The following STARD9 variants were observed in gnomAD, a reference collection of about 807,000 sequenced individuals.
STARD9 encodes the protein stAR-related lipid transfer protein 9.
Under a neutral mutation model 399.8 loss-of-function variants are expected in STARD9, and 346 were observed. That is an observed-to-expected ratio of 0.87 (90% CI 0.79 to 0.95). The LOEUF is 0.95. Among genes scored for constraint, STARD9 ranks in the 40% least tolerant of loss-of-function variants. The pLI is 0.00. For synonymous variants in STARD9, 2,203 were observed against 2,143.5 expected, an observed-to-expected ratio of 1.03 and a Z score of -0.77; for missense variants, 5,832 against 5,667.5, an observed-to-expected ratio of 1.03 and a Z score of -0.93.
Position 42,674,434 on chromosome 15 carries a change from C to T in STARD9, c.1498-6C>T. On this transcript the variant is annotated splice_region_variant and splice_polypyrimidine_tract_variant and intron_variant, in intron 16 of 32. Coordinates refer to ENST00000290607, the MANE Select transcript of STARD9 (RefSeq NM_020759.3). ...TCTCATTAAAATGGCTTTTTTCCCC[C>T]TTTAGGAAGGGACAACAAAAATAGG... 6.5e-7 allele frequency: 1 copy of T among 1,536,876 alleles called. No homozygotes were observed. Among genetic ancestry groups the T allele is most frequent in the South Asian group, 1.2e-5 (1 of 84,046 alleles).
At chr15:42,604,626 ATTTTTTT>A (rs11349330) in intron 3 of STARD9, among the ~76,000 whole-genome samples, 97 of 54,754 alleles carry the variant, frequency 1.8e-3, no homozygotes, top group African/African-American at 4.6e-3. Context: ...GATCAAATTG[ATTTTTTT>A]TTTTTTTTTT....
intron 26 of STARD9, 35 bp downstream of exon 26, chr15:42,695,915 C>G (rs1021606440): frequency 1.3e-6 from 2 of 1,524,428 alleles, no homozygotes; most frequent in Non-Finnish European, 1.8e-6. Flanking sequence ...AGCCAGGGGC[C>G]TGGACTGCCA....
At chr15:42,638,218 G>A in intron 6 of STARD9, 131 bp downstream of exon 6, 2 of 813,640 alleles carry the variant, frequency 2.5e-6, no homozygotes, top group Non-Finnish European at 2.0e-6. Flanking sequence ...GAAATATCTT[G>A]CAGTACAAGA....
intron 1 of STARD9, chr15:42,581,557 T>C: frequency 2.8e-6 from 3 of 1,073,908 alleles, no homozygotes; most frequent in Non-Finnish European, 4.1e-6. Context: ...CTGCTCCAGC[T>C]CCTAGGGCGG....
chr15:42,633,974 G>A (rs2059377405), intron 3 of STARD9, among the ~76,000 whole-genome samples: 1 of 152,018 alleles, frequency 6.6e-6, no homozygotes, highest in Admixed American at 6.6e-5. Flanking sequence ...TGCTAGTGTT[G>A]TCCTAGATGG....
chr15:42,676,840 C>T (rs1031031383), intron 20 of STARD9, among the ~76,000 whole-genome samples: 5 of 152,094 alleles, frequency 3.3e-5, no homozygotes, highest in East Asian at 3.9e-4. Flanking sequence ...TATGATGGCC[C>T]GTAGTTTCTT....
chr15:42,635,478 C>T (rs942137479), intron 4 of STARD9, among the ~76,000 whole-genome samples: 3 of 151,836 alleles, frequency 2.0e-5, no homozygotes, highest in Non-Finnish European at 4.4e-5. Flanking sequence ...TACAGGCACC[C>T]GCCACCACGC....
In STARD9 at chr15:42,690,616, T is replaced by G; in HGVS notation, c.9038T>G (p.Ile3013Ser). Reference sequence around the variant, plus strand: ...TATGAAATGGATGAGACAGGAGAGATCTCTAGGGGACCTGATGTGCACTTG... The same window carrying G: ...TATGAAATGGATGAGACAGGAGAGAGCTCTAGGGGACCTGATGTGCACTTG... ...RAYEMDETGE[I>S]SRGPDVHLTH... The change falls in exon 23 of 33, where the codon ATC becomes AGC. Residue 3013 changes from isoleucine to serine, a missense_variant. Physicochemically the swap from Ile to Ser is moderately radical, Grantham distance 142 (BLOSUM62 -2). Around this residue, in one of 2 missense-constraint regions of STARD9, gnomAD observed 5,828 missense variants for 5,651.1 expected, o/e 1.03. Coordinates refer to ENST00000290607, the MANE Select transcript of STARD9 (RefSeq NM_020759.3). The G allele has an allele frequency of 8.5e-6, 13 of 1,537,172 alleles. No homozygotes were observed. Among genetic ancestry groups the G allele is most frequent in the Non-Finnish European group, 1.0e-5 (12 of 1,146,918 alleles).
rs766651298 is a variant in STARD9, at chr15:42,686,867, TC to T, written c.5291del (p.Pro1764GlnfsTer6). On this transcript the variant is annotated frameshift_variant, in exon 23 of 33. Transcript: ENST00000290607. LOFTEE classifies it high-confidence loss of function. ...CCCTGACAGAAACTGCCTTAGAGAT[TC>T]CAGCTTGCAGAGAAGTAAGGGTACC... is the stretch of plus-strand genomic sequence containing the variant. Reference protein sequence around the residue: ...DALTETALEIPACREVRVPSP... With the variant: ...DALTETALEIXACREVRVPSP... 1.3e-6 allele frequency: 2 copies of T among 1,537,028 alleles called. No homozygotes were observed. The highest frequency in any genetic ancestry group is 2.4e-5 in the South Asian group (2 of 84,060).
At chr15:42,697,812 A>C (rs1258245231) in intron 26 of STARD9, among the ~76,000 whole-genome samples, 2 of 152,172 alleles carry the variant, frequency 1.3e-5, no homozygotes, top group Admixed American at 6.5e-5. Context: ...AATCCGAAAA[A>C]ATTCACAATC....
At chr15:42,717,875 T>G (rs1254370853) in intron 29 of STARD9, 80 bp downstream of exon 29, 1 of 1,501,308 alleles carries the variant, frequency 6.7e-7, no homozygotes, top group African/African-American at 1.4e-5. Flanking sequence ...CTCCTTTCCC[T>G]TACCTGGATT....
In STARD9 at chr15:42,718,913, GATAA is replaced by G; in HGVS notation, c.14001+6_14001+9del. The G allele has an allele frequency of 6.5e-7, 1 of 1,537,054 alleles. No homozygotes were observed. Among genetic ancestry groups the G allele is most frequent in the Non-Finnish European group, 8.7e-7 (1 of 1,146,750 alleles). ...CCAGAGTCATCTACTTGGCCCAGGT[GATAA>G]ATCCTTTGCAGCTGGCCTCACAGCA... On this transcript the variant is annotated splice_donor_5th_base_variant and intron_variant, in intron 32 of 32. Transcript: ENST00000290607.
In STARD9 at chr15:42,689,920, C is replaced by G. The variant is rs767715463; in HGVS notation, c.8342C>G (p.Pro2781Arg). ...GIPPGSQDSS[P>R]EHQEPRTLDT... ...CCCCCTGGCAGTCAGGACAGCAGCC[C>G]AGAGCATCAGGAACCCAGAACTCTA... The change falls in exon 23 of 33, where the codon CCA becomes CGA. Residue 2781 changes from proline (P) to arginine (R), a missense_variant. By Grantham distance (103) the Pro-to-Arg change is moderately radical. This residue lies in a region of STARD9 where 5,828 missense variants were observed against 5,651.1 expected (regional missense o/e 1.03). Transcript: ENST00000290607. The G allele has an allele frequency of 6.5e-7, 1 of 1,537,602 alleles. No homozygotes were observed.
Position 42,674,941 on chromosome 15 carries a change from CT to C in STARD9, c.1665del (p.Ala556ProfsTer5), listed in dbSNP as rs1431141061. On this transcript the variant is annotated frameshift_variant, in exon 18 of 33. Coordinates refer to ENST00000290607, the MANE Select transcript of STARD9 (RefSeq NM_020759.3). LOFTEE classifies it high-confidence loss of function. Reference protein sequence around the residue: ...ARCTVNGREVTASCRLTQGAV... With the variant: ...ARCTVNGREVXASCRLTQGAV... Reference sequence around the variant, plus strand: ...TGTACAGTCAATGGCCGGGAGGTCACTGCCTCCTGCCGTCTGACTCAAGGTA... The same window carrying C: ...TGTACAGTCAATGGCCGGGAGGTCACGCCTCCTGCCGTCTGACTCAAGGTA... The C allele has an allele frequency of 2.6e-6, 4 of 1,535,920 alleles. No homozygotes were observed. The East Asian group carries it at 9.8e-5, about 38-fold the overall frequency.
In STARD9 at chr15:42,669,116, C is replaced by T. The variant is rs927432279; in HGVS notation, c.1318-42C>T. The stretch of plus-strand genomic sequence containing the variant: ...AATGACTTCTGACCTTTAGTCTGTT[C>T]CCCATGCTGAGTGTCTCAGATCACC... On this transcript the variant is annotated intron_variant, in intron 15 of 32. Coordinates refer to ENST00000290607, the MANE Select transcript of STARD9 (RefSeq NM_020759.3). 4 of 1,476,892 alleles carry T rather than the reference C, an allele frequency of 2.7e-6. No homozygotes were observed. In the Admixed American group the frequency reaches 6.0e-5, roughly 22 times the overall value. 91.5% of individuals were successfully genotyped at this position (1,476,892 alleles called of 1,614,324 possible). A position where few individuals can be genotyped will look rare whatever the true frequency, so the allele number is the denominator to read the frequency against.
intron 14 of STARD9, among the ~76,000 whole-genome samples, 185 bp downstream of exon 14, chr15:42,665,515 G>A (rs1421925283): frequency 6.6e-6 from 1 of 152,152 alleles, no homozygotes; most frequent in African/African-American, 2.4e-5. Context: ...GATGGTGTGG[G>A]CATTTTTTCA....
In STARD9 at chr15:42,690,440, A is replaced by C. The variant is rs765453222; in HGVS notation, c.8862A>C (p.Arg2954=). The stretch of plus-strand genomic sequence containing the variant: ...AAGAGAGCAGAACTCTTCCTTGCCG[A>C]CAGCCATGCAGTTCTCAACCTGTTG... The part of the protein sequence containing the change: ...RGKESRTLPC[R]QPCSSQPVAT... Residue 2954 remains arginine, a synonymous_variant, in exon 23 of 33, where the codon CGA becomes CGC. Transcript: ENST00000290607. 2.0e-5 allele frequency: 30 copies of C among 1,537,092 alleles called. No homozygotes were observed. In the African/African-American group the frequency reaches 3.6e-4, roughly 18 times the overall value.
chr15:42,706,134 A>G (rs987254374), intron 26 of STARD9, among the ~76,000 whole-genome samples: 1 of 152,236 alleles, frequency 6.6e-6, no homozygotes, highest in Non-Finnish European at 1.5e-5. Flanking sequence ...TAATAGGATC[A>G]TGTGGATTGA....
At position 42,685,904 on chromosome 15, in the gene STARD9, C is replaced by G; in HGVS notation, c.4326C>G (p.Gly1442=). 1 of 1,537,150 alleles carries G rather than the reference C, an allele frequency of 6.5e-7. No individual in the cohort carries two copies. The highest frequency in any genetic ancestry group is 8.7e-7 in the Non-Finnish European group (1 of 1,146,922). Residue 1442 remains glycine (G), a synonymous_variant, in exon 23 of 33, where the codon GGC becomes GGG. Coordinates refer to ENST00000290607, the MANE Select transcript of STARD9 (RefSeq NM_020759.3). ...CAGGAGCTGATGGCACCTTTCAGGG[C>G]AGATGTATCCCTGACATGACCCAGC... ...IQPGADGTFQ[G]RCIPDMTQQG... is the part of the protein sequence containing the mutation.
Sources: allele counts gnomAD v4.1 joint callset (sites outside exome capture counted in the v4.1 genomes callset), GRCh38; gene constraint gnomAD v4.1.1; regional missense constraint gnomAD v4.1.1; transcripts MANE v1.5; gene names NCBI Gene and HGNC (gene_info 2026-07-23, HGNC 2026-07-21).